Variants in XYLT1 observed in about 807,000 individuals in gnomAD.
The protein encoded by XYLT1 is xylosyltransferase 1, also known as beta-D-xylosyltransferase 1.
Under a neutral mutation model 91.3 loss-of-function variants are expected in XYLT1, and 36 were observed. That is an observed-to-expected ratio of 0.39 (90% confidence interval 0.30 to 0.52). The LOEUF (loss-of-function observed/expected upper bound fraction) is 0.52, where lower values mean the gene tolerates loss of function less well. Ranked by LOEUF, XYLT1 falls within the 20% of genes least tolerant of loss-of-function variation. The probability of loss-of-function intolerance (pLI) is 0.68; values close to 1 mark genes in which losing one functional copy is unlikely to be tolerated. For missense variants in XYLT1, 1,242 were observed against 1,284.5 expected, an observed-to-expected ratio of 0.97 and a Z score of 0.51; for synonymous variants, 588 against 532.0, an observed-to-expected ratio of 1.11 and a Z score of -1.45.
At chr16:17,139,495 G>A (rs1006319193) in intron 7 of XYLT1, among the ~76,000 whole-genome samples, 1 of 152,306 alleles carries the variant, frequency 6.6e-6, no homozygotes, top group Middle Eastern at 3.4e-3. Flanking sequence ...TGGGCGTCTT[G>A]ATTAAAAATA....
intron 3 of XYLT1, among the ~76,000 whole-genome samples, chr16:17,255,330 A>T (rs1438466548): frequency 1.3e-5 from 2 of 152,170 alleles, no homozygotes; most frequent in African/African-American, 4.8e-5. Flanking sequence ...TTTAATGGGA[A>T]CATAGCGCAT....
chr16:17,119,512 T>A (rs945390901), intron 10 of XYLT1, among the ~76,000 whole-genome samples: 1 of 152,232 alleles, frequency 6.6e-6, no homozygotes, highest in South Asian at 2.1e-4. Context: ...AGATTTCCTA[T>A]GTGCAGGGGA....
intron 1 of XYLT1, among the ~76,000 whole-genome samples, chr16:17,456,585 C>T (rs2036746273): frequency 6.6e-6 from 1 of 152,178 alleles, no homozygotes; most frequent in African/African-American, 2.4e-5. Context: ...CAGCGATCTT[C>T]CCACCTAGGC....
At chr16:17,435,395 C>A (rs2036443800) in intron 1 of XYLT1, among the ~76,000 whole-genome samples, 1 of 152,178 alleles carries the variant, frequency 6.6e-6, no homozygotes, top group African/African-American at 2.4e-5. Flanking sequence ...TGTCCCCTCA[C>A]CCCCTACAAG....
chr16:17,381,599 G>A (rs1181924052), intron 1 of XYLT1, among the ~76,000 whole-genome samples: 1 of 151,816 alleles, frequency 6.6e-6, no homozygotes, highest in African/African-American at 2.4e-5. Flanking sequence ...GCTAATTTTT[G>A]TATTTTTAAT....
At chr16:17,266,528 G>A (rs891142079) in intron 2 of XYLT1, among the ~76,000 whole-genome samples, 7 of 152,178 alleles carry the variant, frequency 4.6e-5, no homozygotes, top group Admixed American at 6.5e-5. Context: ...AAACAGAGGA[G>A]CCAGGATTTG....
At position 17,191,983 on chromosome 16, in the gene XYLT1, C is replaced by T. The variant is rs76441327; in HGVS notation, c.1289+6229G>A. Among the ~76,000 whole-genome samples the T allele has an allele frequency of 4.7e-3, 712 of 152,214 alleles. 9 individuals carry two copies. The highest frequency in any genetic ancestry group is 0.016 in the African/African-American group (656 of 41,536). ...CACACCACAGACTGAATGTGAACCC[C>T]GGGAGGGGCCAAGGACACACTCAAC... On this transcript the variant is annotated intron_variant, in intron 5 of 11. Coordinates refer to ENST00000261381, the MANE Select transcript of XYLT1 (RefSeq NM_022166.4).
intron 1 of XYLT1, among the ~76,000 whole-genome samples, chr16:17,436,991 C>T (rs2036466933): frequency 6.6e-6 from 1 of 152,126 alleles, no homozygotes; most frequent in African/African-American, 2.4e-5. Context: ...CTCTTGAGTC[C>T]TTCCTGGGGG....
intron 1 of XYLT1, among the ~76,000 whole-genome samples, chr16:17,360,713 T>C (rs948259620): frequency 3.3e-5 from 5 of 152,348 alleles, no homozygotes; most frequent in African/African-American, 1.2e-4. Flanking sequence ...ACATCCTCCT[T>C]AATTGGAAAG....
chr16:17,419,469 G>A (rs1227833381), intron 1 of XYLT1, among the ~76,000 whole-genome samples: 1 of 151,978 alleles, frequency 6.6e-6, no homozygotes, highest in Non-Finnish European at 1.5e-5. Context: ...AATGGGCATA[G>A]CTGTGTTCCA....
intron 3 of XYLT1, among the ~76,000 whole-genome samples, chr16:17,252,379 A>G (rs1457907): frequency 0.61 from 93,199 of 151,888 alleles, 29,557 homozygotes; most frequent in African/African-American, 0.76. Flanking sequence ...GACCTGGTTC[A>G]TTGCCCTGAA....
At chr16:17,162,506 C>A (rs1042464896) in intron 5 of XYLT1, among the ~76,000 whole-genome samples, 6 of 151,292 alleles carry the variant, frequency 4.0e-5, no homozygotes, top group African/African-American at 1.5e-4. Context: ...AGAACCAGAA[C>A]TGGAACCTGG....
chr16:17,116,952 T>C (rs1966853449), intron 11 of XYLT1, among the ~76,000 whole-genome samples: 2 of 152,330 alleles, frequency 1.3e-5, no homozygotes, highest in South Asian at 4.1e-4. Flanking sequence ...TCCATTTTTT[T>C]CCTCTCTTTT....
At chr16:17,307,826 C>A (rs1282281444) in intron 2 of XYLT1, among the ~76,000 whole-genome samples, 2 of 152,154 alleles carry the variant, frequency 1.3e-5, no homozygotes, top group East Asian at 3.9e-4. Context: ...AGAGAAAACC[C>A]AGCAGGGGTA....
At chr16:17,190,610 C>A (rs2032289141) in intron 5 of XYLT1, among the ~76,000 whole-genome samples, 1 of 152,130 alleles carries the variant, frequency 6.6e-6, no homozygotes, top group Non-Finnish European at 1.5e-5. Context: ...CATGTCCCTA[C>A]AAAGGACATG....
At chr16:17,195,040 A>C (rs935702599) in intron 5 of XYLT1, among the ~76,000 whole-genome samples, 1 of 152,208 alleles carries the variant, frequency 6.6e-6, no homozygotes, top group Non-Finnish European at 1.5e-5. Context: ...TCTGTGCTAC[A>C]TTGTGCCCAG....
intron 3 of XYLT1, among the ~76,000 whole-genome samples, chr16:17,255,518 A>G (rs2033617498): frequency 6.6e-6 from 1 of 152,120 alleles, no homozygotes; most frequent in Non-Finnish European, 1.5e-5. Context: ...ATGGCATTCA[A>G]CTCAGGCCTC....
chr16:17,181,435 T>C (rs2032065789), intron 5 of XYLT1, among the ~76,000 whole-genome samples: 1 of 152,262 alleles, frequency 6.6e-6, no homozygotes. Flanking sequence ...TTAATAACTA[T>C]ACAGGATTAT....
chr16:17,365,059 C>A (rs1260504793), intron 1 of XYLT1, among the ~76,000 whole-genome samples: 1 of 152,168 alleles, frequency 6.6e-6, no homozygotes. Context: ...CATCAAGTGT[C>A]GGATGCATGC....
Sources: gnomAD v4.1 joint callset for allele counts (sites outside exome capture counted in the v4.1 genomes callset) on GRCh38, gnomAD v4.1.1 for gene constraint, MANE v1.5 for transcripts, NCBI Gene and HGNC (gene_info 2026-07-23, HGNC 2026-07-21) for gene names.